The following DOCK10 variants were observed in gnomAD, a reference collection of about 807,000 sequenced individuals.
The protein encoded by DOCK10 is dedicator of cytokinesis 10.
Under a neutral mutation model 280.1 loss-of-function variants are expected in DOCK10, and 145 were observed. The observed-to-expected ratio is 0.52, with a 90% CI of 0.45 to 0.59. The LOEUF (loss-of-function observed/expected upper bound fraction) is 0.59. Ranked by LOEUF, DOCK10 falls within the 20% of genes least tolerant of loss-of-function variation. The pLI is 0.00. For missense variants in DOCK10, 2,368 were observed against 2,651.7 expected (o/e 0.89, Z 2.35); for synonymous variants, 915 against 942.2 (o/e 0.97, Z 0.53).
At chr2:224,866,006 C>T (rs1019719499) in intron 11 of DOCK10, among the ~76,000 whole-genome samples, 11 of 152,236 alleles carry the variant, frequency 7.2e-5, no homozygotes, top group Non-Finnish European at 1.2e-4. Context: ...CGAGTGTTTT[C>T]CCGAAATGAG....
chr2:224,948,049 T>A (rs1281051524), intron 1 of DOCK10, among the ~76,000 whole-genome samples: 1 of 152,182 alleles, frequency 6.6e-6, no homozygotes, highest in East Asian at 1.9e-4. Flanking sequence ...ATATACAATA[T>A]AGGAGTATGT....
At chr2:224,769,821 G>T (rs1467798777) in intron 55 of DOCK10, among the ~76,000 whole-genome samples, 1 of 152,100 alleles carries the variant, frequency 6.6e-6, no homozygotes, top group Non-Finnish European at 1.5e-5. Flanking sequence ...ATAGTGTAGA[G>T]ACCCCCTCAA....
intron 11 of DOCK10, among the ~76,000 whole-genome samples, chr2:224,872,948 A>C (rs577695431): frequency 6.6e-6 from 1 of 152,352 alleles, no homozygotes; most frequent in Non-Finnish European, 1.5e-5. Context: ...GATTTTAAAA[A>C]ATAATTCAAC....
At chr2:224,922,987 A>T (rs1701853223) in intron 2 of DOCK10, among the ~76,000 whole-genome samples, 1 of 152,296 alleles carries the variant, frequency 6.6e-6, no homozygotes, top group Non-Finnish European at 1.5e-5. Flanking sequence ...AGACATCGAT[A>T]TTGTCTTTTA....
chr2:224,926,089 T>C (rs759967007), intron 2 of DOCK10, among the ~76,000 whole-genome samples: 7 of 152,222 alleles, frequency 4.6e-5, no homozygotes, highest in Non-Finnish European at 7.3e-5. Context: ...GTTTTTGCAA[T>C]GAATGGCTTA....
intron 1 of DOCK10, among the ~76,000 whole-genome samples, chr2:225,009,575 G>A (rs281522): frequency 2.0e-5 from 3 of 150,886 alleles, no homozygotes; most frequent in African/African-American, 7.3e-5. Flanking sequence ...GCAGAATGTC[G>A]TCTGCAGAGA....
At chr2:225,008,261 G>T (rs1689332819) in intron 1 of DOCK10, among the ~76,000 whole-genome samples, 1 of 152,148 alleles carries the variant, frequency 6.6e-6, no homozygotes, top group Non-Finnish European at 1.5e-5. Flanking sequence ...AACCTCCAGA[G>T]TAGCTAGGAC....
At position 225,023,562 on chromosome 2, in the gene DOCK10, T is replaced by G. The variant is rs75254980; in HGVS notation, c.123+18690A>C. Among the ~76,000 whole-genome samples, 37 of 152,332 alleles carry G rather than the reference T, an allele frequency of 2.4e-4. No homozygotes were observed. In the East Asian group the frequency reaches 7.1e-3, roughly 29 times the overall value. The stretch of plus-strand genomic sequence containing the variant: ...AAATCAAAAAGTCTGACAAGTTTAC[T>G]GTCAAGGATGTGGTAGAAAGGAAAA... On this transcript the variant is annotated intron_variant, in intron 1 of 55. Transcript: ENST00000258390.
chr2:224,769,357 G>A (rs532270848), intron 55 of DOCK10, among the ~76,000 whole-genome samples: 9 of 152,332 alleles, frequency 5.9e-5, no homozygotes, highest in Middle Eastern at 3.4e-3. Flanking sequence ...TTTGTGAGTC[G>A]TATTAACAGT....
At chr2:224,974,562 A>G (rs1165548892) in intron 1 of DOCK10, among the ~76,000 whole-genome samples, 2 of 151,476 alleles carry the variant, frequency 1.3e-5, no homozygotes, top group African/African-American at 4.8e-5. Context: ...CCTAAAAACT[A>G]CTCTTCTAGA....
At chr2:224,821,292 A>T (rs1406818025) in intron 28 of DOCK10, among the ~76,000 whole-genome samples, 1 of 152,212 alleles carries the variant, frequency 6.6e-6, no homozygotes, top group African/African-American at 2.4e-5. Flanking sequence ...TTAAATTCCA[A>T]TGTTGACTAA....
chr2:224,779,687 T>C (rs1450514302), intron 50 of DOCK10, among the ~76,000 whole-genome samples: 1 of 152,204 alleles, frequency 6.6e-6, no homozygotes, highest in African/African-American at 2.4e-5. Context: ...GGTGAGACAA[T>C]ATAAGAATAT....
intron 50 of DOCK10, among the ~76,000 whole-genome samples, chr2:224,785,196 T>C (rs528579910): frequency 3.6e-4 from 55 of 152,324 alleles, no homozygotes; most frequent in Admixed American, 2.0e-3. Flanking sequence ...TCTCTTCCTC[T>C]TCTGAAGGTT....
intron 22 of DOCK10, among the ~76,000 whole-genome samples, chr2:224,842,105 C>G (rs1367156490): frequency 1.3e-5 from 2 of 152,172 alleles, no homozygotes; most frequent in Non-Finnish European, 2.9e-5. Context: ...ACTCTCTCTT[C>G]TATTTCATTC....
At chr2:224,826,780 TATCTATCTATC>T (rs1694891049) in intron 27 of DOCK10, among the ~76,000 whole-genome samples, 2 of 146,210 alleles carry the variant, frequency 1.4e-5, no homozygotes. Flanking sequence ...TCTATCTATC[TATCTATCTATC>T]ATCTATCAAT....
At chr2:224,857,054 T>C in intron 14 of DOCK10, 72 bp from the exon 15 acceptor site, 1 of 1,224,804 alleles carries the variant, frequency 8.2e-7, no homozygotes, top group Non-Finnish European at 1.1e-6. Flanking sequence ...CGTGACTATA[T>C]TAATTAAACT....
At chr2:224,937,133 C>T (rs1424561713) in intron 1 of DOCK10, among the ~76,000 whole-genome samples, 1 of 152,168 alleles carries the variant, frequency 6.6e-6, no homozygotes, top group Non-Finnish European at 1.5e-5. Flanking sequence ...AGGGAACCAT[C>T]AACATCTGGT....
At position 224,970,542 on chromosome 2, in the gene DOCK10, T is replaced by C. The variant is rs1575132143; in HGVS notation, c.124-38874A>G. Among the ~76,000 whole-genome samples, 1 of 152,226 alleles carries C rather than the reference T, an allele frequency of 6.6e-6. No individual in the cohort carries two copies. The highest frequency in any genetic ancestry group is 2.4e-5 in the African/African-American group (1 of 41,462). On this transcript the variant is annotated intron_variant, in intron 1 of 55. Coordinates refer to ENST00000258390, the MANE Select transcript of DOCK10 (RefSeq NM_014689.3). The surrounding 1 kb of genome is among the most constrained non-coding windows in gnomAD (Gnocchi z 4.6). ...GCAACATGACAGAGATAGATGTCTGTTCCCAAAATAGAATTCTATAAACCC... is the reference window on the plus strand; with the variant it reads ...GCAACATGACAGAGATAGATGTCTGCTCCCAAAATAGAATTCTATAAACCC...
chr2:224,888,669 A>G (rs1559668757), intron 4 of DOCK10, among the ~76,000 whole-genome samples: 1 of 151,794 alleles, frequency 6.6e-6, no homozygotes, highest in Non-Finnish European at 1.5e-5. Context: ...GTGCATGTAT[A>G]TATGTGTGAA....
Sources: allele counts gnomAD v4.1 joint callset (sites outside exome capture counted in the v4.1 genomes callset), GRCh38; gene constraint gnomAD v4.1.1; non-coding constraint Gnocchi (gnomAD v3.1); transcripts MANE v1.5; gene names NCBI Gene and HGNC (gene_info 2026-07-23, HGNC 2026-07-21).